The following GRIA4 variants were observed in gnomAD, a reference collection of about 807,000 sequenced individuals.
GRIA4 encodes glutamate ionotropic receptor AMPA type subunit 4.
In GRIA4, 34 loss-of-function variants were observed where a neutral mutation model predicts 104.0. That is an observed-to-expected ratio of 0.33 (90% confidence interval 0.25 to 0.44). The LOEUF (loss-of-function observed/expected upper bound fraction) is 0.44. GRIA4 is among the 20% of genes least tolerant of loss of function. GRIA4 has a pLI of 1.00. For missense variants in GRIA4, 750 were observed against 1,096.5 expected (o/e 0.68, Z 4.46); for synonymous variants, 386 against 381.9 (o/e 1.01, Z -0.13).
intron 10 of GRIA4, among the ~76,000 whole-genome samples, chr11:105,918,458 G>A (rs951846508): frequency 2.0e-5 from 3 of 152,080 alleles, no homozygotes; most frequent in Non-Finnish European, 2.9e-5. Flanking sequence ...CACAGTCATA[G>A]TGCTAGGTTT....
At chr11:105,847,860 G>GT (rs1944654302) in intron 4 of GRIA4, among the ~76,000 whole-genome samples, 1 of 152,270 alleles carries the variant, frequency 6.6e-6, no homozygotes, top group African/African-American at 2.4e-5. Context: ...GAAAATCCCT[G>GT]TAGATGGCCC....
rs530279 is a variant in GRIA4 at position 105,879,051 on chromosome 11, G to C, written c.673-8468G>C. Among the ~76,000 whole-genome samples, 298 of 152,320 alleles carry C rather than the reference G, an allele frequency of 2.0e-3. 1 individual carries two copies. Among genetic ancestry groups the C allele is most frequent in the African/African-American group, 6.6e-3 (276 of 41,566 alleles). ...ACCCGAGGGAATCTCCTGGTCTGCA[G>C]GTTGTGAAGACTGTGGGAAGAGCGT... On this transcript the variant is annotated intron_variant, in intron 5 of 16. Transcript: ENST00000282499.
intron 3 of GRIA4, among the ~76,000 whole-genome samples, chr11:105,731,225 C>T (rs1336515054): frequency 6.6e-6 from 1 of 152,062 alleles, no homozygotes; most frequent in East Asian, 1.9e-4. Flanking sequence ...AATATATGAA[C>T]ATACGCTTTT....
At chr11:105,744,744 A>T (rs1939538855) in intron 3 of GRIA4, among the ~76,000 whole-genome samples, 1 of 152,168 alleles carries the variant, frequency 6.6e-6, no homozygotes, top group African/African-American at 2.4e-5. Flanking sequence ...CACCTTATAC[A>T]TCACATACAA....
At chr11:105,670,963 T>C (rs2135437169) in intron 3 of GRIA4, among the ~76,000 whole-genome samples, 1 of 152,204 alleles carries the variant, frequency 6.6e-6, no homozygotes, top group South Asian at 2.1e-4. Context: ...GGCTACCTCA[T>C]TGCTTGGCTT....
intron 4 of GRIA4, among the ~76,000 whole-genome samples, chr11:105,845,309 G>A (rs1265981843): frequency 6.6e-6 from 1 of 152,060 alleles, no homozygotes. Context: ...CATGGTATGT[G>A]GTTCCAAAAG....
At chr11:105,717,967 C>T (rs1275901393) in intron 3 of GRIA4, among the ~76,000 whole-genome samples, 1 of 149,682 alleles carries the variant, frequency 6.7e-6, no homozygotes, top group Non-Finnish European at 1.5e-5. Context: ...TCATCATTCT[C>T]AGTAAACTAT....
chr11:105,828,662 TA>T lies in GRIA4; in HGVS notation c.488-33348del, dbSNP rs570146830. 8.2e-3 allele frequency among the ~76,000 whole-genome samples: 1,121 copies of T among 137,110 alleles called. 16 individuals carry two copies. The highest frequency in any genetic ancestry group is 0.021 in the African/African-American group (806 of 38,244). 89.9% of individuals were successfully genotyped at this position (137,110 alleles called of 152,430 possible). A position where few individuals can be genotyped will look rare whatever the true frequency, so the allele number is the denominator to read the frequency against. The stretch of plus-strand genomic sequence containing the variant: ...GGTGAAATAAATCTCAATGTTTTCA[TA>T]AAAAAAAAAAAAAGAGTATGAGGCT... On this transcript the variant is annotated intron_variant, in intron 4 of 16. Coordinates refer to ENST00000282499, the MANE Select transcript of GRIA4 (RefSeq NM_000829.4).
chr11:105,770,435 A>G (rs1403409713), intron 4 of GRIA4, among the ~76,000 whole-genome samples: 2 of 152,084 alleles, frequency 1.3e-5, no homozygotes, highest in Admixed American at 1.3e-4. Context: ...TGTAAGTTAA[A>G]TAAGTTTGGA....
At chr11:105,924,891 T>C (rs1386314516) in intron 12 of GRIA4, 122 bp downstream of exon 12, 9 of 714,948 alleles carry the variant, frequency 1.3e-5, no homozygotes, top group East Asian at 7.7e-5. Context: ...AGAAAAAGAC[T>C]TGCAATTCCC....
intron 3 of GRIA4, among the ~76,000 whole-genome samples, chr11:105,715,544 G>C (rs569971682): frequency 6.6e-6 from 1 of 152,214 alleles, no homozygotes; most frequent in African/African-American, 2.4e-5. Flanking sequence ...CAATACAAAA[G>C]ATTAAGAAAG....
intron 5 of GRIA4, among the ~76,000 whole-genome samples, chr11:105,871,076 C>T (rs981005021): frequency 3.9e-5 from 6 of 152,048 alleles, no homozygotes; most frequent in Admixed American, 6.6e-5. Context: ...GGCATATCCT[C>T]GGCTTAGGAA....
At chr11:105,686,994 T>G (rs1410984097) in intron 3 of GRIA4, among the ~76,000 whole-genome samples, 1 of 152,202 alleles carries the variant, frequency 6.6e-6, no homozygotes, top group Non-Finnish European at 1.5e-5. Flanking sequence ...TAGTGAAATT[T>G]TTTTTCACAT....
At chr11:105,634,367 AAAG>A (rs760858718) in intron 3 of GRIA4, among the ~76,000 whole-genome samples, 319 of 149,052 alleles carry the variant, frequency 2.1e-3, no homozygotes, top group Middle Eastern at 3.5e-3. Flanking sequence ...AAAAAAAAAA[AAAG>A]AAGAAGAAAG....
At chr11:105,830,671 T>C (rs1943943208) in intron 4 of GRIA4, among the ~76,000 whole-genome samples, 1 of 152,010 alleles carries the variant, frequency 6.6e-6, no homozygotes, top group Non-Finnish European at 1.5e-5. Context: ...TGGATTCTAT[T>C]CCTCACTTGC....
intron 3 of GRIA4, among the ~76,000 whole-genome samples, chr11:105,625,873 T>C (rs1451524749): frequency 1.3e-5 from 2 of 152,130 alleles, no homozygotes; most frequent in African/African-American, 2.4e-5. Flanking sequence ...CAGTTAGAAA[T>C]ATTTCTTATG....
rs1297773404 is a variant in GRIA4, at chr11:105,924,492, A to G, written c.1570A>G (p.Ile524Val). Residue 524 changes from isoleucine (I) to valine (V), a missense_variant, in exon 12 of 17, where the codon ATC (isoleucine) becomes GTC (valine). By Grantham distance (29) the Ile-to-Val change is conservative (BLOSUM62 3). This residue lies in a region of GRIA4 where 272 missense variants were observed against 524.5 expected (regional missense o/e 0.52). Coordinates refer to ENST00000282499, the MANE Select transcript of GRIA4 (RefSeq NM_000829.4). ...SKPFMSLGIS[I>V]MIKKPQKSKP... ...GCCCTTCATGAGTTTGGGCATATCT[A>G]TCATGATCAAAAAGCCTCAGAAATC... is the stretch of plus-strand genomic sequence containing the variant. 1.2e-6 allele frequency: 2 copies of G among 1,612,960 alleles called. No homozygotes were observed. Among genetic ancestry groups the G allele is most frequent in the African/African-American group, 1.3e-5 (1 of 74,854 alleles).
intron 14 of GRIA4, among the ~76,000 whole-genome samples, chr11:105,953,634 CACACACACACACATATATATACATACAT>C (rs1159000056): frequency 2.1e-5 from 3 of 145,964 alleles, no homozygotes; most frequent in African/African-American, 7.8e-5. Context: ...TACACATACA[CACACACACACACATATATATACATACAT>C]ACACACACAC....
intron 6 of GRIA4, among the ~76,000 whole-genome samples, chr11:105,895,870 T>G (rs574603305): frequency 1.8e-4 from 27 of 152,236 alleles, no homozygotes; most frequent in African/African-American, 6.0e-4. Context: ...TTGTGAATAC[T>G]GCTGCAATAA....
Sources: allele counts gnomAD v4.1 joint callset (sites outside exome capture counted in the v4.1 genomes callset), GRCh38; gene constraint gnomAD v4.1.1; regional missense constraint gnomAD v4.1.1; transcripts MANE v1.5; gene names NCBI Gene and HGNC (gene_info 2026-07-23, HGNC 2026-07-21).